INTS3: variants seen among roughly 807,000 people sequenced by gnomAD.
INTS3 encodes the protein SOSS complex subunit A.
Under a neutral mutation model 146.3 loss-of-function variants are expected in INTS3, and 34 were observed. The observed-to-expected ratio is 0.23, with a 90% CI of 0.18 to 0.31. The LOEUF is 0.31. INTS3 is among the 10% of genes least tolerant of loss of function. The probability of loss-of-function intolerance (pLI) is 1.00; values close to 1 mark genes in which losing one functional copy is unlikely to be tolerated. For missense variants in INTS3, 757 were observed against 1,304.2 expected, an observed-to-expected ratio of 0.58 and a Z score of 6.46; for synonymous variants, 475 against 494.9, an observed-to-expected ratio of 0.96 and a Z score of 0.53.
intron 8 of INTS3, 48 bp downstream of exon 8, chr1:153,752,456 G>T: frequency 6.4e-7 from 1 of 1,570,244 alleles, no homozygotes; most frequent in Non-Finnish European, 8.6e-7. Flanking sequence ...GGAGTTCAAT[G>T]TGTATGTCTT....
At chr1:153,732,432 C>T (rs1178439849) in intron 1 of INTS3, among the ~76,000 whole-genome samples, 4 of 151,508 alleles carry the variant, frequency 2.6e-5, no homozygotes, top group Admixed American at 2.6e-4. Flanking sequence ...TCCTCACCTA[C>T]GTGAGTCCTT....
rs550042270 is a variant in INTS3, at chr1:153,771,579, G to A, written c.2553-217G>A. 3.9e-4 allele frequency among the ~76,000 whole-genome samples: 60 copies of A among 152,192 alleles called. No homozygotes were observed. The South Asian group carries it at 7.9e-3, about 20-fold the overall frequency. On this transcript the variant is annotated intron_variant, in intron 25 of 29. Transcript: ENST00000318967. Reference sequence around the variant, plus strand: ...TCCTTCCCAACACACACACGCACACGCCTTCTCCTACCACAGCAAGTGAAG... The same window carrying A: ...TCCTTCCCAACACACACACGCACACACCTTCTCCTACCACAGCAAGTGAAG...
intron 3 of INTS3, among the ~76,000 whole-genome samples, chr1:153,741,666 AAG>A (rs969566461): frequency 6.6e-6 from 1 of 152,244 alleles, no homozygotes; most frequent in Admixed American, 6.5e-5. Flanking sequence ...CAGGGAATAG[AAG>A]AGAACAATTG....
At chr1:153,752,151 A>G (rs1393868029) in intron 7 of INTS3, 128 bp from the exon 8 acceptor site, 10 of 948,876 alleles carry the variant, frequency 1.1e-5, no homozygotes, top group African/African-American at 1.7e-5. Flanking sequence ...TCCAGAAGAA[A>G]TCATAGTTTC....
chr1:153,772,384 A>G lies in INTS3; in HGVS notation c.2765A>G (p.Gln922Arg). 1 of 1,614,140 alleles carries G rather than the reference A, an allele frequency of 6.2e-7. No homozygotes were observed. The highest frequency in any genetic ancestry group is 8.5e-7 in the Non-Finnish European group (1 of 1,180,028). ...SSKLAQLTLEQILEHLDNLRL... is the reference protein window; with the variant it reads ...SSKLAQLTLERILEHLDNLRL... ...AAGCTGGCCCAGCTGACTCTGGAGC[A>G]GATCCTGGAGCACTTGGACAATCTG... Residue 922 changes from glutamine (Q) to arginine (R), a missense_variant, in exon 27 of 30, where the codon CAG becomes CGG. Coordinates refer to ENST00000318967, the MANE Select transcript of INTS3 (RefSeq NM_023015.5). The surrounding 1 kb of genome is among the most constrained non-coding windows in gnomAD (Gnocchi z 4.6).
At chr1:153,732,095 G>C (rs1402631011) in intron 1 of INTS3, among the ~76,000 whole-genome samples, 1 of 151,522 alleles carries the variant, frequency 6.6e-6, no homozygotes, top group Non-Finnish European at 1.5e-5. Context: ...GTAGAGATGG[G>C]TTTCACCATG....
At chr1:153,763,617 G>A (rs1453213145) in intron 16 of INTS3, among the ~76,000 whole-genome samples, 1 of 152,222 alleles carries the variant, frequency 6.6e-6, no homozygotes, top group African/African-American at 2.4e-5. Flanking sequence ...TGAGAACCAA[G>A]GCAGGATTGG....
chr1:153,743,802 G>A (rs2101792673), intron 3 of INTS3, among the ~76,000 whole-genome samples: 1 of 152,208 alleles, frequency 6.6e-6, no homozygotes, highest in East Asian at 1.9e-4. Flanking sequence ...AATGGGAAAG[G>A]GTCTAATGTC....
intron 7 of INTS3, 45 bp from the exon 8 acceptor site, chr1:153,752,234 G>A: frequency 6.3e-7 from 1 of 1,597,066 alleles, no homozygotes; most frequent in Non-Finnish European, 8.6e-7. Flanking sequence ...AACAATCCAT[G>A]TTTTTATTCT....
chr1:153,764,898 G>A, intron 19 of INTS3, 46 bp from the exon 20 acceptor site: 1 of 1,613,300 alleles, frequency 6.2e-7, no homozygotes, highest in Non-Finnish European at 8.5e-7. Flanking sequence ...GGGAGAGTCT[G>A]CCCTGGGTAA....
chr1:153,760,044 A>G, intron 11 of INTS3: 1 of 550,770 alleles, frequency 1.8e-6, no homozygotes. Context: ...ATTCATGTAT[A>G]TTGACATCCC....
At chr1:153,760,186 C>T (rs538956437) in intron 11 of INTS3, 125 bp from the exon 12 acceptor site, 6 of 649,046 alleles carry the variant, frequency 9.2e-6, no homozygotes, top group African/African-American at 6.1e-5. Flanking sequence ...GAGCTGAGAT[C>T]GTACCATTTG....
chr1:153,758,911 C>T (rs1379249353), intron 10 of INTS3, among the ~76,000 whole-genome samples: 1 of 151,978 alleles, frequency 6.6e-6, no homozygotes, highest in Non-Finnish European at 1.5e-5. Flanking sequence ...AGTTCAAGAC[C>T]AGCCTGGGCA....
chr1:153,752,263 C>T lies in INTS3; in HGVS notation c.730-16C>T. 7 of 1,612,622 alleles carry T rather than the reference C, an allele frequency of 4.3e-6. No homozygotes were observed. The highest frequency in any genetic ancestry group is 5.9e-6 in the Non-Finnish European group (7 of 1,178,772). The stretch of plus-strand genomic sequence containing the variant: ...TTATTCTCTTTCCTGTCCCCCACTT[C>T]CTCTTCCCTATCAAGTTCATGGAAT... On this transcript the variant is annotated splice_polypyrimidine_tract_variant and intron_variant, in intron 7 of 29. Coordinates refer to ENST00000318967, the MANE Select transcript of INTS3 (RefSeq NM_023015.5).
At chr1:153,753,986 A>C (rs1291666625) in intron 8 of INTS3, among the ~76,000 whole-genome samples, 1 of 144,172 alleles carries the variant, frequency 6.9e-6, no homozygotes, top group Admixed American at 6.9e-5. Context: ...CTGTTTTTTA[A>C]GATGGGGTGT....
intron 5 of INTS3, 132 bp from the exon 6 acceptor site, chr1:153,748,557 T>C: frequency 1.3e-6 from 1 of 775,786 alleles, no homozygotes; most frequent in East Asian, 2.4e-5. Flanking sequence ...CAGAAGGCAG[T>C]TTATCTCAGC....
chr1:153,772,232 T>A lies in INTS3; in HGVS notation c.2721-108T>A, dbSNP rs192623207. ...AGCCCTCCCAGGCTGCCTATCCTGT[T>A]CCCCATGTAGGCTGCCTCTGTCTTA... On this transcript the variant is annotated intron_variant, in intron 26 of 29. Transcript: ENST00000318967. This position sits in a 1 kb window ranked among gnomAD's most constrained non-coding sequence, Gnocchi z 4.6. 1.9e-5 allele frequency: 25 copies of A among 1,287,120 alleles called. No individual in the cohort carries two copies. In the East Asian group the frequency reaches 5.8e-4, roughly 30 times the overall value. The allele number at this position is 1,287,120 out of a possible 1,614,324, so 79.7% of individuals were successfully genotyped here.
Position 153,728,544 on chromosome 1 carries a change from G to GC in INTS3, c.-85dup. 4 of 1,457,412 alleles carry GC rather than the reference G, an allele frequency of 2.7e-6. No homozygotes were observed. The highest frequency in any genetic ancestry group is 1.4e-5 in the South Asian group (1 of 72,728). 90.3% of individuals were successfully genotyped at this position (1,457,412 alleles called of 1,614,324 possible). Reference sequence around the variant, plus strand: ...CTCCCCTCCCCAACTTGTTCCTCTTGCCCCCCAGTCCCTGGCAATCCAGAG... The same window carrying GC: ...CTCCCCTCCCCAACTTGTTCCTCTTGCCCCCCCAGTCCCTGGCAATCCAGAG... On this transcript the variant is annotated 5_prime_UTR_variant, in exon 1 of 30. Coordinates refer to ENST00000318967, the MANE Select transcript of INTS3 (RefSeq NM_023015.5).
chr1:153,772,185 C>A lies in INTS3; in HGVS notation c.2721-155C>A, dbSNP rs1012494984. ...TGTGGCCAGGATCCCCTGTTCTAGG[C>A]ACACCTTTCTCACCCAACCCCAGCC... is the stretch of plus-strand genomic sequence containing the variant. On this transcript the variant is annotated intron_variant, in intron 26 of 29. Transcript: ENST00000318967. The surrounding 1 kb of genome is among the most constrained non-coding windows in gnomAD (Gnocchi z 4.6). Among the ~76,000 whole-genome samples the A allele has an allele frequency of 1.3e-5, 2 of 152,200 alleles. No homozygotes were observed. Among genetic ancestry groups the A allele is most frequent in the African/African-American group, 4.8e-5 (2 of 41,452 alleles).
Sources: allele counts gnomAD v4.1 joint callset (sites outside exome capture counted in the v4.1 genomes callset), GRCh38; gene constraint gnomAD v4.1.1; non-coding constraint Gnocchi (gnomAD v3.1); transcripts MANE v1.5; gene names NCBI Gene and HGNC (gene_info 2026-07-23, HGNC 2026-07-21).